RGS22: variants seen among roughly 807,000 people sequenced by gnomAD.
RGS22 encodes regulator of G-protein signaling 22.
RGS22 carries 148 observed loss-of-function variants against 172.9 expected under a neutral mutation model. The ratio of observed to expected loss-of-function variants is 0.86; its 90% CI spans 0.75 to 0.98. The LOEUF (loss-of-function observed/expected upper bound fraction) is 0.98. Among genes scored for constraint, RGS22 ranks in the 50% least tolerant of loss-of-function variants. The pLI, the probability that RGS22 is intolerant of heterozygous loss-of-function variation, is 0.00. For synonymous variants in RGS22, 458 were observed against 480.2 expected (o/e 0.95, Z 0.60); for missense variants, 1,347 against 1,440.8 (o/e 0.93, Z 1.05).
intron 22 of RGS22, among the ~76,000 whole-genome samples, chr8:99,980,280 T>C (rs1342126342): frequency 6.6e-6 from 1 of 152,110 alleles, no homozygotes; most frequent in African/African-American, 2.4e-5. Flanking sequence ...CAGATATACA[T>C]TAAAAAAGGA....
intron 3 of RGS22, among the ~76,000 whole-genome samples, chr8:100,086,045 G>A (rs1812136579): frequency 6.6e-6 from 1 of 152,114 alleles, no homozygotes; most frequent in South Asian, 2.1e-4. Context: ...GGCTGCTAGA[G>A]CTGAATTTTA....
chr8:99,984,794 C>T (rs1812906607), intron 21 of RGS22, among the ~76,000 whole-genome samples: 1 of 151,058 alleles, frequency 6.6e-6, no homozygotes, highest in South Asian at 2.1e-4. Context: ...TACGGACACA[C>T]ACACACACAC....
rs761534740 is a variant in RGS22 at position 100,002,199 on chromosome 8, T to A, written c.2790+3A>T. ...TTAAAAAAATAGGTTTGCATGTTGA[T>A]ACCTGGTTCTGCTGATACAGAGAAG... On this transcript the variant is annotated splice_donor_region_variant and intron_variant, in intron 18 of 27. Coordinates refer to ENST00000360863, the MANE Select transcript of RGS22 (RefSeq NM_015668.5). The A allele has an allele frequency of 6.4e-7, 1 of 1,551,442 alleles. No homozygotes were observed. Among genetic ancestry groups the A allele is most frequent in the Non-Finnish European group, 8.7e-7 (1 of 1,155,780 alleles).
At chr8:100,032,609 G>C (rs1451745833) in intron 14 of RGS22, among the ~76,000 whole-genome samples, 1 of 152,132 alleles carries the variant, frequency 6.6e-6, no homozygotes, top group Admixed American at 6.6e-5. Context: ...ACAGATCAAT[G>C]AGACAGAAGG....
At chr8:100,097,573 A>G (rs538509932) in intron 2 of RGS22, among the ~76,000 whole-genome samples, 1 of 152,196 alleles carries the variant, frequency 6.6e-6, no homozygotes, top group Non-Finnish European at 1.5e-5. Flanking sequence ...ATTTTTTCCT[A>G]GTAAAATGTT....
intron 2 of RGS22, among the ~76,000 whole-genome samples, chr8:100,103,413 G>C (rs1813658583): frequency 6.6e-6 from 1 of 152,284 alleles, no homozygotes; most frequent in South Asian, 2.1e-4. Flanking sequence ...ATGAAGAAAA[G>C]GGAAGAAAGT....
At chr8:99,981,290 T>C (rs1174734391) in intron 22 of RGS22, among the ~76,000 whole-genome samples, 1 of 152,248 alleles carries the variant, frequency 6.6e-6, no homozygotes, top group Non-Finnish European at 1.5e-5. Context: ...CATGAGTTTG[T>C]ATACTTTATG....
chr8:100,063,135 A>G (rs1216740721), intron 8 of RGS22, among the ~76,000 whole-genome samples: 1 of 152,208 alleles, frequency 6.6e-6, no homozygotes, highest in Non-Finnish European at 1.5e-5. Context: ...TATAAAAATG[A>G]AAATAGAATA....
At chr8:100,049,477 G>C (rs561257567) in intron 10 of RGS22, among the ~76,000 whole-genome samples, 2 of 152,196 alleles carry the variant, frequency 1.3e-5, no homozygotes, top group Admixed American at 1.3e-4. Flanking sequence ...GAGAAGTCAG[G>C]TTTATACCAC....
intron 20 of RGS22, among the ~76,000 whole-genome samples, chr8:99,990,170 G>A (rs1024266173): frequency 3.3e-5 from 5 of 152,118 alleles, no homozygotes; most frequent in African/African-American, 9.7e-5. Context: ...TATTCAGGAG[G>A]CGAAGGCAGG....
At chr8:99,992,583 TGCACCCAATACAGGA>T (rs1376257318) in intron 20 of RGS22, among the ~76,000 whole-genome samples, 5 of 152,184 alleles carry the variant, frequency 3.3e-5, no homozygotes, top group Non-Finnish European at 7.3e-5. Context: ...TAAATATATA[TGCACCCAATACAGGA>T]GCACCCAGAT....
intron 9 of RGS22, among the ~76,000 whole-genome samples, 189 bp from the exon 10 acceptor site, chr8:100,053,165 C>A (rs1440865991): frequency 6.6e-6 from 1 of 152,072 alleles, no homozygotes; most frequent in African/African-American, 2.4e-5. Flanking sequence ...CAGCTGCCTG[C>A]AATCCCATTG....
intron 2 of RGS22, among the ~76,000 whole-genome samples, chr8:100,101,337 A>C (rs1161613895): frequency 6.9e-6 from 1 of 145,586 alleles, no homozygotes; most frequent in Non-Finnish European, 1.5e-5. Flanking sequence ...CCCAGGCTGG[A>C]GTGTGGTGGC....
chr8:99,964,676 C>A (rs542278490), intron 24 of RGS22, among the ~76,000 whole-genome samples: 1 of 152,194 alleles, frequency 6.6e-6, no homozygotes, highest in South Asian at 2.1e-4. Flanking sequence ...TTGGATATTT[C>A]TCTTCTCTCA....
chr8:100,002,508 T>C (rs1351128023), intron 17 of RGS22, 144 bp from the exon 18 acceptor site: 5 of 677,680 alleles, frequency 7.4e-6, no homozygotes, highest in Non-Finnish European at 1.2e-5. Context: ...GAACCCAATA[T>C]TGTATCTCTG....
intron 22 of RGS22, among the ~76,000 whole-genome samples, chr8:99,979,827 A>G (rs1376280251): frequency 6.6e-6 from 1 of 152,198 alleles, no homozygotes; most frequent in African/African-American, 2.4e-5. Context: ...CCTGCCCTCA[A>G]AGAGGTTACA....
intron 23 of RGS22, among the ~76,000 whole-genome samples, chr8:99,975,090 G>A (rs1333794731): frequency 6.6e-6 from 1 of 151,762 alleles, no homozygotes; most frequent in Non-Finnish European, 1.5e-5. Context: ...AAGTTGCAGT[G>A]AGCCAAGATC....
At chr8:100,034,230 C>A (rs1359883842) in intron 14 of RGS22, among the ~76,000 whole-genome samples, 1 of 152,084 alleles carries the variant, frequency 6.6e-6, no homozygotes, top group African/African-American at 2.4e-5. Flanking sequence ...CATCTCAGCC[C>A]AAAATCTCCT....
intron 9 of RGS22, among the ~76,000 whole-genome samples, chr8:100,060,402 G>GTATATATATATATATACATATATA (rs1554629579): frequency 9.7e-6 from 1 of 102,984 alleles, no homozygotes; most frequent in South Asian, 3.2e-4. Context: ...TTAGCTACGT[G>GTATATATATATATATACATATATA]TATATATATA....
Sources: allele counts gnomAD v4.1 joint callset (sites outside exome capture counted in the v4.1 genomes callset), GRCh38; gene constraint gnomAD v4.1.1; transcripts MANE v1.5; gene names NCBI Gene and HGNC (gene_info 2026-07-23, HGNC 2026-07-21).